Variants in R3HDM2 observed in about 807,000 individuals in gnomAD.
R3HDM2 encodes R3H domain-containing protein 2.
A neutral mutation model predicts 124.5 loss-of-function variants in R3HDM2; 38 were observed. The observed-to-expected ratio is 0.31, with a 90% CI of 0.24 to 0.40. The LOEUF (loss-of-function observed/expected upper bound fraction) is 0.40. Among genes scored for constraint, R3HDM2 ranks in the 10% least tolerant of loss-of-function variants. The pLI is 1.00. For missense variants in R3HDM2, 869 were observed against 1,236.9 expected, an observed-to-expected ratio of 0.70 and a Z score of 4.46; for synonymous variants, 391 against 448.0, an observed-to-expected ratio of 0.87 and a Z score of 1.61.
chr12:57,370,226 C>T (rs957118902), intron 2 of R3HDM2, among the ~76,000 whole-genome samples: 1 of 152,060 alleles, frequency 6.6e-6, no homozygotes, highest in East Asian at 1.9e-4. Flanking sequence ...AATACATAAG[C>T]GTCTGGAATT....
chr12:57,375,952 G>A (rs1454673903), intron 2 of R3HDM2, among the ~76,000 whole-genome samples: 3 of 151,992 alleles, frequency 2.0e-5, no homozygotes, highest in Admixed American at 6.6e-5. Context: ...GATTACAGGC[G>A]TGAGCCACCA....
intron 2 of R3HDM2, among the ~76,000 whole-genome samples, chr12:57,326,927 C>T (rs532327218): frequency 2.0e-4 from 31 of 152,042 alleles, no homozygotes; most frequent in South Asian, 6.2e-4. Flanking sequence ...TGGATGACAG[C>T]GCATCTGTTT....
At chr12:57,302,061 G>A (rs1196749442) in intron 4 of R3HDM2, among the ~76,000 whole-genome samples, 2 of 151,188 alleles carry the variant, frequency 1.3e-5, no homozygotes, top group Admixed American at 6.6e-5. Context: ...CAGGTGGATC[G>A]CTTGAGCCCA....
chr12:57,280,077 T>C (rs1204658313), intron 14 of R3HDM2, among the ~76,000 whole-genome samples: 4 of 152,126 alleles, frequency 2.6e-5, no homozygotes, highest in East Asian at 1.9e-4. Context: ...TGGGGTACAG[T>C]AGAAATGTGG....
At chr12:57,422,093 CAAAAA>C (rs35439340) in intron 1 of R3HDM2, among the ~76,000 whole-genome samples, 3 of 74,388 alleles carry the variant, frequency 4.0e-5, no homozygotes, top group Non-Finnish European at 5.0e-5. Context: ...CTCCGCCTAG[CAAAAA>C]AAAAAAAAAA....
chr12:57,328,121 G>C (rs375567036), intron 2 of R3HDM2, among the ~76,000 whole-genome samples: 1 of 151,246 alleles, frequency 6.6e-6, no homozygotes, highest in South Asian at 2.1e-4. Context: ...ACCCAGGCTG[G>C]AGTGCAGTGG....
At position 57,254,995 on chromosome 12, in the gene R3HDM2, A is replaced by C. The variant is rs201745549; in HGVS notation, c.2751T>G (p.Ala917=). 27 of 1,590,714 alleles carry C rather than the reference A, an allele frequency of 1.7e-5. No homozygotes were observed. The highest frequency in any genetic ancestry group is 2.1e-5 in the Non-Finnish European group (24 of 1,163,098). The change falls in exon 24 of 24, where the codon GCT becomes GCG. Residue 917 remains alanine (A), a synonymous_variant. Coordinates refer to ENST00000402412, the MANE Select transcript of R3HDM2 (RefSeq NM_001394031.1). ...CCCCACCCCCTCCAGGCAGCCCCTGAGCATCCTTGAGCCACTGGATCTTGG... is the reference window on the plus strand; with the variant it reads ...CCCCACCCCCTCCAGGCAGCCCCTGCGCATCCTTGAGCCACTGGATCTTGG... ...SGAKIQWLKD[A]QGLPGGGGGD...
At chr12:57,384,540 C>T (rs2065414387) in intron 2 of R3HDM2, among the ~76,000 whole-genome samples, 1 of 151,962 alleles carries the variant, frequency 6.6e-6, no homozygotes, top group Non-Finnish European at 1.5e-5. Flanking sequence ...AAAGTGCAAA[C>T]TCAACACTGT....
chr12:57,314,134 G>A (rs1332834372), intron 2 of R3HDM2, among the ~76,000 whole-genome samples: 2 of 151,854 alleles, frequency 1.3e-5, no homozygotes, highest in Admixed American at 6.6e-5. Flanking sequence ...GTTGCGGTGA[G>A]CTGAGATTGT....
At chr12:57,298,056 A>T in intron 7 of R3HDM2, 34 bp downstream of exon 7, 1 of 1,471,064 alleles carries the variant, frequency 6.8e-7, no homozygotes, top group Admixed American at 2.0e-5. Flanking sequence ...CTATCCCCTA[A>T]CCCCTTTTCC....
Position 57,255,933 on chromosome 12 carries a change from A to G in R3HDM2, c.2632+57T>C, listed in dbSNP as rs1592284513. 4.7e-6 allele frequency: 7 copies of G among 1,492,434 alleles called. No homozygotes were observed. In the East Asian group the frequency reaches 6.8e-5, roughly 14 times the overall value. The allele number at this position is 1,492,434 out of a possible 1,614,324, so 92.4% of individuals were successfully genotyped here. A position where few individuals can be genotyped will look rare whatever the true frequency, so the allele number is the denominator to read the frequency against. On this transcript the variant is annotated intron_variant, in intron 23 of 23. Coordinates refer to ENST00000402412, the MANE Select transcript of R3HDM2 (RefSeq NM_001394031.1). Reference sequence around the variant, plus strand: ...TTTTCCCACCCATGCTGGACTGGTAATTAAGCGCTGGAAGGGTGGGCACCT... The same window carrying G: ...TTTTCCCACCCATGCTGGACTGGTAGTTAAGCGCTGGAAGGGTGGGCACCT...
chr12:57,299,482 A>T lies in R3HDM2; in HGVS notation c.295-4T>A. The stretch of plus-strand genomic sequence containing the variant: ...TGATGTGCAATTGAATTATATCCTT[A>T]AGGGGAAAAAGGATAATCAAAGGGG... On this transcript the variant is annotated splice_region_variant and splice_polypyrimidine_tract_variant and intron_variant, in intron 5 of 23. Transcript: ENST00000402412. 6.5e-7 allele frequency: 1 copy of T among 1,544,438 alleles called. No homozygotes were observed. Among genetic ancestry groups the T allele is most frequent in the Non-Finnish European group, 8.8e-7 (1 of 1,141,054 alleles).
intron 2 of R3HDM2, among the ~76,000 whole-genome samples, chr12:57,331,426 C>A (rs920515064): frequency 1.3e-5 from 2 of 152,284 alleles, no homozygotes; most frequent in Admixed American, 6.5e-5. Flanking sequence ...TTATCATTGT[C>A]AAACTATCAA....
Position 57,385,903 on chromosome 12 carries a change from T to C in R3HDM2, c.-36+9846A>G, listed in dbSNP as rs1292263356. Among the ~76,000 whole-genome samples the C allele has an allele frequency of 2.6e-5, 4 of 152,276 alleles. No individual in the cohort carries two copies. The East Asian group carries it at 7.7e-4, about 29-fold the overall frequency. On this transcript the variant is annotated intron_variant, in intron 2 of 23. Coordinates refer to ENST00000402412, the MANE Select transcript of R3HDM2 (RefSeq NM_001394031.1). ...ACCCTGTTTGTCTTTTTCACTGTCATGCTCTCATGGGTGTATGGTAGCATT... is the reference window on the plus strand; with the variant it reads ...ACCCTGTTTGTCTTTTTCACTGTCACGCTCTCATGGGTGTATGGTAGCATT...
Position 57,268,322 on chromosome 12 carries a change from C to T in R3HDM2, c.2011G>A (p.Ala671Thr), listed in dbSNP as rs766025432. The T allele has an allele frequency of 3.1e-6, 5 of 1,613,964 alleles. No homozygotes were observed. The Admixed American group carries it at 6.7e-5, about 22-fold the overall frequency. The change falls in exon 18 of 24, where the codon GCT becomes ACT. Residue 671 changes from alanine (A) to threonine (T), a missense_variant. Physicochemically the swap from Ala to Thr is moderately conservative, Grantham distance 58. This residue lies in a region of R3HDM2 where 602 missense variants were observed against 789.2 expected (regional missense o/e 0.76). Coordinates refer to ENST00000402412, the MANE Select transcript of R3HDM2 (RefSeq NM_001394031.1). ...CCTCACCTCGTACCGTTCTGCTGAG[C>T]AGGTGGGATCATGCTATAGTACACT... is the stretch of plus-strand genomic sequence containing the variant. ...VPVYYSMIPP[A>T]QQNGTSPSVG...
At chr12:57,268,277 T>C in intron 18 of R3HDM2, 26 bp downstream of exon 18, 1 of 1,608,022 alleles carries the variant, frequency 6.2e-7, no homozygotes, top group Non-Finnish European at 8.5e-7. Flanking sequence ...GGAGATGTCC[T>C]GTCCTGGCTC....
At chr12:57,321,139 T>C (rs2056384133) in intron 2 of R3HDM2, among the ~76,000 whole-genome samples, 2 of 151,966 alleles carry the variant, frequency 1.3e-5, no homozygotes, top group East Asian at 1.9e-4. Flanking sequence ...TCTGAAAGAG[T>C]ACAAAATCCA....
chr12:57,287,818 C>T (rs986292436), intron 12 of R3HDM2, among the ~76,000 whole-genome samples: 2 of 152,024 alleles, frequency 1.3e-5, no homozygotes, highest in African/African-American at 4.8e-5. Flanking sequence ...TTACCACTGC[C>T]TTGTATTATC....
chr12:57,402,287 T>G (rs1235520830), intron 1 of R3HDM2, among the ~76,000 whole-genome samples: 1 of 148,126 alleles, frequency 6.8e-6, no homozygotes, highest in Non-Finnish European at 1.5e-5. Flanking sequence ...AGAGCAAGAC[T>G]CCATCTCAAA....
Sources: gnomAD v4.1 joint callset for allele counts (sites outside exome capture counted in the v4.1 genomes callset) on GRCh38, gnomAD v4.1.1 for gene constraint, gnomAD v4.1.1 regional missense constraint, MANE v1.5 for transcripts, NCBI Gene and HGNC (gene_info 2026-07-23, HGNC 2026-07-21) for gene names.